The following EPHA5 variants were observed in gnomAD, a reference collection of about 807,000 sequenced individuals.
EPHA5 encodes EPH receptor A5.
Under a neutral mutation model 105.0 loss-of-function variants are expected in EPHA5, and 60 were observed. The ratio of observed to expected loss-of-function variants is 0.57; its 90% CI spans 0.46 to 0.71. The LOEUF is 0.71. EPHA5 is among the 30% of genes least tolerant of loss of function. EPHA5 has a pLI of 0.00. For missense variants in EPHA5, 1,218 were observed against 1,274.7 expected, an observed-to-expected ratio of 0.96 and a Z score of 0.68; for synonymous variants, 513 against 449.1, an observed-to-expected ratio of 1.14 and a Z score of -1.80.
In EPHA5 at chr4:65,372,505, C is replaced by T. The variant is rs186659501; in HGVS notation, c.1794-5081G>A. ...CTCATTTATAATACCAGAATATTTG[C>T]ATTTTGGGTTCTTCATAGATAGATT... is the stretch of plus-strand genomic sequence containing the variant. On this transcript the variant is annotated intron_variant, in intron 8 of 16. Transcript: ENST00000613740. 3.1e-3 allele frequency among the ~76,000 whole-genome samples: 478 copies of T among 151,906 alleles called. 3 individuals carry two copies. Among genetic ancestry groups the T allele is most frequent in the African/African-American group, 0.011 (453 of 41,524 alleles).
chr4:65,526,760 T>C (rs543847617), intron 3 of EPHA5, among the ~76,000 whole-genome samples: 102 of 151,990 alleles, frequency 6.7e-4, no homozygotes, highest in Non-Finnish European at 1.4e-3. Flanking sequence ...ATATAACAAC[T>C]GCATGGAATG....
intron 2 of EPHA5, among the ~76,000 whole-genome samples, chr4:65,630,093 A>T (rs1427160476): frequency 6.6e-6 from 1 of 151,836 alleles, no homozygotes; most frequent in African/African-American, 2.4e-5. Flanking sequence ...ACACACACAC[A>T]CACACACACA....
intron 1 of EPHA5, 44 bp downstream of exon 1, chr4:65,669,518 C>A (rs896998111): frequency 1.5e-6 from 2 of 1,332,078 alleles, no homozygotes; most frequent in South Asian, 2.3e-5. Context: ...CCCGCCTAGC[C>A]CCTCCGCCCC....
At chr4:65,472,173 C>T (rs866106121) in intron 5 of EPHA5, among the ~76,000 whole-genome samples, 1 of 152,156 alleles carries the variant, frequency 6.6e-6, no homozygotes, top group Non-Finnish European at 1.5e-5. Flanking sequence ...TGTCTGAAAT[C>T]CAGCAGGGCA....
intron 4 of EPHA5, 72 bp from the exon 5 acceptor site, chr4:65,490,784 T>A: frequency 7.0e-7 from 1 of 1,432,168 alleles, no homozygotes; most frequent in Non-Finnish European, 9.5e-7. Context: ...ATCACACCAA[T>A]TCCTGGTCTG....
chr4:65,458,659 A>G (rs1160791693), intron 5 of EPHA5, among the ~76,000 whole-genome samples: 1 of 152,114 alleles, frequency 6.6e-6, no homozygotes, highest in Admixed American at 6.6e-5. Flanking sequence ...TAAACTGTAC[A>G]CTCATTGAAG....
At chr4:65,371,898 A>C (rs1054685251) in intron 8 of EPHA5, among the ~76,000 whole-genome samples, 2 of 152,012 alleles carry the variant, frequency 1.3e-5, no homozygotes, top group Admixed American at 1.3e-4. Flanking sequence ...GAGCATATGC[A>C]GTGTCTAGCT....
chr4:65,339,276 C>T (rs1721476376), intron 14 of EPHA5, among the ~76,000 whole-genome samples: 1 of 151,972 alleles, frequency 6.6e-6, no homozygotes, highest in Admixed American at 6.6e-5. Flanking sequence ...GTTGCTTTTC[C>T]CACCCACAGA....
chr4:65,587,156 T>G (rs1350138761), intron 3 of EPHA5, among the ~76,000 whole-genome samples: 1 of 152,106 alleles, frequency 6.6e-6, no homozygotes, highest in Admixed American at 6.6e-5. Context: ...CTGCTAAATG[T>G]GTAATTTCGG....
intron 2 of EPHA5, among the ~76,000 whole-genome samples, chr4:65,619,205 T>A (rs1745500937): frequency 1.3e-5 from 2 of 152,194 alleles, no homozygotes; most frequent in African/African-American, 4.8e-5. Context: ...ATTTGTACAC[T>A]TATTGATAAC....
At chr4:65,608,444 C>A (rs1232076106) in intron 2 of EPHA5, among the ~76,000 whole-genome samples, 1 of 151,172 alleles carries the variant, frequency 6.6e-6, no homozygotes, top group Non-Finnish European at 1.5e-5. Flanking sequence ...GCGGAGCCTG[C>A]AGTGAGCCGA....
chr4:65,400,494 A>AACATGTTAT (rs1262299551), intron 8 of EPHA5, among the ~76,000 whole-genome samples: 3 of 152,166 alleles, frequency 2.0e-5, no homozygotes, highest in Non-Finnish European at 2.9e-5. Flanking sequence ...CAAGAATTCT[A>AACATGTTAT]ACATGTTATA....
chr4:65,421,727 G>GC (rs1275669081), intron 5 of EPHA5, among the ~76,000 whole-genome samples: 1 of 152,020 alleles, frequency 6.6e-6, no homozygotes, highest in Non-Finnish European at 1.5e-5. Context: ...TAATATGTAT[G>GC]CTTCATGAAG....
chr4:65,382,104 C>T (rs866278667), intron 8 of EPHA5, among the ~76,000 whole-genome samples: 5 of 151,582 alleles, frequency 3.3e-5, no homozygotes, highest in Non-Finnish European at 5.9e-5. Context: ...GTCTCCTGTG[C>T]GGCCATTCAT....
At chr4:65,668,933 G>A (rs1343409387) in intron 1 of EPHA5, among the ~76,000 whole-genome samples, 1 of 151,820 alleles carries the variant, frequency 6.6e-6, no homozygotes, top group Non-Finnish European at 1.5e-5. Context: ...AAGAAGAAGG[G>A]CACCCAACTG....
chr4:65,665,438 CATTTT>C (rs919218485), intron 1 of EPHA5, among the ~76,000 whole-genome samples: 2 of 151,980 alleles, frequency 1.3e-5, no homozygotes, highest in African/African-American at 2.4e-5. Flanking sequence ...TATATCATTT[CATTTT>C]GATTTTGCAT....
At chr4:65,554,029 T>C (rs1376419332) in intron 3 of EPHA5, among the ~76,000 whole-genome samples, 1 of 151,832 alleles carries the variant, frequency 6.6e-6, no homozygotes, top group African/African-American at 2.4e-5. Context: ...CAAAATATAT[T>C]GTCTCTGGTA....
intron 5 of EPHA5, among the ~76,000 whole-genome samples, chr4:65,465,456 GAAAAGAAAGAA>G (rs1278059965): frequency 1.2e-4 from 6 of 50,034 alleles, no homozygotes; most frequent in African/African-American, 3.2e-4. Context: ...AAGAAAGAAA[GAAAAGAAAGAA>G]AAAGAAAGAA....
intron 3 of EPHA5, among the ~76,000 whole-genome samples, chr4:65,579,601 TTTG>T (rs894751293): frequency 6.6e-5 from 10 of 151,798 alleles, no homozygotes; most frequent in African/African-American, 2.2e-4. Flanking sequence ...TCTCATTGTA[TTTG>T]TTATCTTCAT....
Sources: gnomAD v4.1 joint callset for allele counts (sites outside exome capture counted in the v4.1 genomes callset) on GRCh38, gnomAD v4.1.1 for gene constraint, MANE v1.5 for transcripts, NCBI Gene and HGNC (gene_info 2026-07-23, HGNC 2026-07-21) for gene names.